MDFIC2: variants seen among roughly 807,000 people sequenced by gnomAD.
MDFIC2 encodes the protein myoD family inhibitor domain-containing protein 2.
At chr3:70,247,643 A>G (rs1264164479) in intron 2 of MDFIC2, among the ~76,000 whole-genome samples, 4 of 151,938 alleles carry the variant, frequency 2.6e-5, no homozygotes, top group Non-Finnish European at 5.9e-5. Context: ...TATGACTCTA[A>G]TAGCACAAGG....
At chr3:70,252,809 G>T (rs1385066431) in intron 2 of MDFIC2, among the ~76,000 whole-genome samples, 1 of 152,192 alleles carries the variant, frequency 6.6e-6, no homozygotes, top group Non-Finnish European at 1.5e-5. Context: ...GCCAGGCGCG[G>T]TGGCTCATGC....
intron 2 of MDFIC2, among the ~76,000 whole-genome samples, chr3:70,265,259 G>A (rs11710654): frequency 6.6e-6 from 1 of 152,176 alleles, no homozygotes; most frequent in East Asian, 1.9e-4. Flanking sequence ...GAGATATAGG[G>A]GATTGAAAGG....
chr3:70,206,843 C>A, intron 2 of MDFIC2, 53 bp from the exon 3 acceptor site: 1 of 396,668 alleles, frequency 2.5e-6, no homozygotes, highest in South Asian at 1.3e-4. Flanking sequence ...TTTACGTGAC[C>A]TAGTGACCTA....
At chr3:70,291,545 A>G (rs757693314) in intron 2 of MDFIC2, among the ~76,000 whole-genome samples, 1 of 152,104 alleles carries the variant, frequency 6.6e-6, no homozygotes, top group African/African-American at 2.4e-5. Context: ...CTCTCATCAC[A>G]TTCTGAGATT....
At chr3:70,295,807 G>A (rs1702284581) in intron 2 of MDFIC2, among the ~76,000 whole-genome samples, 1 of 152,164 alleles carries the variant, frequency 6.6e-6, no homozygotes, top group Non-Finnish European at 1.5e-5. Context: ...CAAAGATGTT[G>A]CATTTTGGTG....
intron 2 of MDFIC2, among the ~76,000 whole-genome samples, chr3:70,263,142 C>A (rs6549313): frequency 6.6e-6 from 1 of 152,080 alleles, no homozygotes; most frequent in East Asian, 1.9e-4. Flanking sequence ...TGACTATAAA[C>A]TCTATATTTG....
chr3:70,288,445 C>G (rs2106689701), intron 2 of MDFIC2, among the ~76,000 whole-genome samples: 1 of 150,984 alleles, frequency 6.6e-6, no homozygotes, highest in South Asian at 2.2e-4. Flanking sequence ...AATTTCTGTT[C>G]TTTTGCATTT....
In MDFIC2 at chr3:70,200,136, G is replaced by T. The variant is rs1473081648; in HGVS notation, c.311-2951C>A. Reference sequence around the variant, plus strand: ...AATTCGTATTCGAAATCCACAAGCTGCTCACCACCTGCAGGGCCACCATTT... The same window carrying T: ...AATTCGTATTCGAAATCCACAAGCTTCTCACCACCTGCAGGGCCACCATTT... On this transcript the variant is annotated intron_variant, in intron 3 of 3. Transcript: ENST00000567252. Among the ~76,000 whole-genome samples, 4 of 152,080 alleles carry T rather than the reference G, an allele frequency of 2.6e-5. No homozygotes were observed. The East Asian group carries it at 7.7e-4, about 29-fold the overall frequency.
rs76873945 is a variant in MDFIC2, at chr3:70,248,716, T to C, written c.89-41926A>G. ...ATTGGAAATGGACAGAATAACCAGA[T>C]TCAAGAGTTAGTGAACAAAAGAACT... On this transcript the variant is annotated intron_variant, in intron 2 of 3. Coordinates refer to ENST00000567252, the MANE Select transcript of MDFIC2 (RefSeq NM_001364677.1). Among the ~76,000 whole-genome samples the C allele has an allele frequency of 8.5e-3, 1,298 of 152,200 alleles. 20 individuals carry two copies. The highest frequency in any genetic ancestry group is 0.029 in the African/African-American group (1,223 of 41,552).
intron 2 of MDFIC2, among the ~76,000 whole-genome samples, chr3:70,286,754 C>A (rs1387886024): frequency 6.6e-6 from 1 of 152,122 alleles, no homozygotes; most frequent in East Asian, 1.9e-4. Flanking sequence ...GTTTGTAGTT[C>A]TCCTTGAAGA....
At chr3:70,201,165 C>T (rs1701234339) in intron 3 of MDFIC2, among the ~76,000 whole-genome samples, 1 of 151,930 alleles carries the variant, frequency 6.6e-6, no homozygotes, top group African/African-American at 2.4e-5. Context: ...AAGTCTAGTA[C>T]TCATTATTTT....
chr3:70,249,903 G>T (rs1701744537), intron 2 of MDFIC2, among the ~76,000 whole-genome samples: 2 of 152,126 alleles, frequency 1.3e-5, no homozygotes, highest in South Asian at 2.1e-4. Context: ...GGGGGCAAGA[G>T]AATTTTCTGG....
chr3:70,261,641 T>C (rs75056505), intron 2 of MDFIC2, among the ~76,000 whole-genome samples: 20,233 of 152,178 alleles, frequency 0.13, 1,470 homozygotes, highest in East Asian at 0.23. Flanking sequence ...ATTTCTACCA[T>C]AAGTGCAGGA....
intron 2 of MDFIC2, among the ~76,000 whole-genome samples, chr3:70,279,306 T>C (rs778032812): frequency 6.6e-6 from 1 of 152,090 alleles, no homozygotes; most frequent in African/African-American, 2.4e-5. Context: ...CAAATCATCC[T>C]TGAACACATA....
intron 2 of MDFIC2, among the ~76,000 whole-genome samples, chr3:70,294,446 A>G (rs1447275437): frequency 2.0e-5 from 3 of 152,266 alleles, no homozygotes; most frequent in African/African-American, 4.8e-5. Flanking sequence ...ATAAGAAACC[A>G]TATATTCCCT....
intron 3 of MDFIC2, among the ~76,000 whole-genome samples, chr3:70,206,346 C>T (rs1559534778): frequency 6.6e-6 from 1 of 152,056 alleles, no homozygotes; most frequent in Non-Finnish European, 1.5e-5. Context: ...CTATTTAAAA[C>T]ATGTTGCCTC....
intron 2 of MDFIC2, among the ~76,000 whole-genome samples, chr3:70,261,941 C>T (rs2106662241): frequency 6.6e-6 from 1 of 152,204 alleles, no homozygotes. Context: ...AGTTTAAAGC[C>T]CTTGAACTCT....
At chr3:70,259,491 G>C (rs1701845935) in intron 2 of MDFIC2, among the ~76,000 whole-genome samples, 1 of 152,038 alleles carries the variant, frequency 6.6e-6, no homozygotes, top group African/African-American at 2.4e-5. Flanking sequence ...GCACTTGAAG[G>C]GCAGGGAGTC....
intron 2 of MDFIC2, among the ~76,000 whole-genome samples, chr3:70,237,128 A>G (rs1546734): frequency 0.18 from 27,216 of 152,158 alleles, 3,269 homozygotes; most frequent in Middle Eastern, 0.26. Context: ...TCATTCTCGA[A>G]CATTTGCATA....
Sources: gnomAD v4.1 joint callset for allele counts (sites outside exome capture counted in the v4.1 genomes callset) on GRCh38, gnomAD v4.1.1 for gene constraint, MANE v1.5 for transcripts, NCBI Gene and HGNC (gene_info 2026-07-23, HGNC 2026-07-21) for gene names.